Variants in CCDC171 observed in about 807,000 individuals in gnomAD.
CCDC171 encodes coiled-coil domain containing 171, also known as coiled-coil domain-containing protein 171.
A neutral mutation model predicts 168.2 loss-of-function variants in CCDC171; 177 were observed. The ratio of observed to expected loss-of-function variants is 1.05; its 90% CI spans 0.93 to 1.19. The LOEUF (loss-of-function observed/expected upper bound fraction) is 1.19. Ranked by LOEUF, CCDC171 falls within the 50% of genes most tolerant of loss-of-function variation. The pLI is 0.00. For missense variants in CCDC171, 1,991 were observed against 1,539.0 expected, an observed-to-expected ratio of 1.29 and a Z score of -4.91; for synonymous variants, 687 against 540.8, an observed-to-expected ratio of 1.27 and a Z score of -3.75.
At chr9:15,905,166 G>C (rs1822361305) in intron 24 of CCDC171, among the ~76,000 whole-genome samples, 1 of 152,132 alleles carries the variant, frequency 6.6e-6, no homozygotes, top group East Asian at 1.9e-4. Context: ...TCTGCACCAA[G>C]CAGACCTAAT....
At chr9:15,679,499 C>T (rs928132782) in intron 10 of CCDC171, among the ~76,000 whole-genome samples, 4 of 152,178 alleles carry the variant, frequency 2.6e-5, no homozygotes, top group Non-Finnish European at 5.9e-5. Flanking sequence ...CCTTTGCCCT[C>T]TGTCTGTCTT....
chr9:15,857,640 C>T (rs1043944639), intron 23 of CCDC171, among the ~76,000 whole-genome samples: 1 of 151,842 alleles, frequency 6.6e-6, no homozygotes, highest in Non-Finnish European at 1.5e-5. Context: ...CCAGGCTGGT[C>T]TTGAACTCCT....
chr9:15,914,114 A>G (rs1377549460), intron 24 of CCDC171, among the ~76,000 whole-genome samples: 2 of 152,186 alleles, frequency 1.3e-5, no homozygotes, highest in Non-Finnish European at 2.9e-5. Flanking sequence ...GTCAGGATGC[A>G]TGGGGGTCAG....
chr9:15,598,347 T>C (rs1381141001), intron 6 of CCDC171, among the ~76,000 whole-genome samples: 1 of 152,184 alleles, frequency 6.6e-6, no homozygotes, highest in African/African-American at 2.4e-5. Flanking sequence ...TGGTATGTTG[T>C]GTCTTTGTTC....
At chr9:15,931,272 A>G (rs1038180626) in intron 25 of CCDC171, among the ~76,000 whole-genome samples, 28 of 151,676 alleles carry the variant, frequency 1.8e-4, no homozygotes, top group African/African-American at 6.5e-4. Flanking sequence ...CTTTTTGGTA[A>G]TAATGATTCT....
chr9:15,764,149 A>G (rs760336774), intron 18 of CCDC171, among the ~76,000 whole-genome samples: 4 of 152,224 alleles, frequency 2.6e-5, no homozygotes, highest in Admixed American at 6.5e-5. Context: ...AAGGTGGAAG[A>G]TGATGTCAGA....
chr9:15,706,812 G>A (rs2052277466), intron 11 of CCDC171, among the ~76,000 whole-genome samples: 1 of 152,118 alleles, frequency 6.6e-6, no homozygotes, highest in Admixed American at 6.5e-5. Context: ...CTCTAGAGGT[G>A]TTCTTTTCCT....
chr9:15,761,623 A>C lies in CCDC171; in HGVS notation c.2672-15977A>C, dbSNP rs184171178. Among the ~76,000 whole-genome samples the C allele has an allele frequency of 1.6e-3, 220 of 135,452 alleles. 1 individual carries two copies. The highest frequency in any genetic ancestry group is 1.8e-3 in the Non-Finnish European group (114 of 62,062). The allele number at this position is 135,452 out of a possible 152,430, so 88.9% of individuals were successfully genotyped here. ...ACTTAGGGGATTTTATTATTTTGTT[A>C]TTTTTATTTTGTTATTTAAAAAAAA... On this transcript the variant is annotated intron_variant, in intron 18 of 25. Transcript: ENST00000380701.
chr9:15,990,624 G>A (rs914909419), intron 3 of CCDC171, among the ~76,000 whole-genome samples: 3 of 152,142 alleles, frequency 2.0e-5, no homozygotes, highest in African/African-American at 7.2e-5. Context: ...AAAAGACACA[G>A]ACTGGCAAAC....
At chr9:15,965,838 G>A (rs755718920) in intron 25 of CCDC171, among the ~76,000 whole-genome samples, 6 of 152,114 alleles carry the variant, frequency 3.9e-5, no homozygotes, top group Non-Finnish European at 8.8e-5. Context: ...TTAGTAAATG[G>A]CAGAATGAAG....
chr9:15,910,278 C>T (rs1238263917), intron 24 of CCDC171, among the ~76,000 whole-genome samples: 1 of 152,044 alleles, frequency 6.6e-6, no homozygotes, highest in Non-Finnish European at 1.5e-5. Flanking sequence ...GATAGTGCTA[C>T]AACAGACATA....
At chr9:16,088,460 T>C in the CCDC171 span, among the ~76,000 whole-genome samples, 1 of 152,190 alleles carries the variant, frequency 6.6e-6, no homozygotes, top group African/African-American at 2.4e-5. Context: ...TGATTGTATA[T>C]TTAGAAAACC....
At chr9:15,912,238 G>C (rs184705383) in intron 24 of CCDC171, among the ~76,000 whole-genome samples, 1 of 152,126 alleles carries the variant, frequency 6.6e-6, no homozygotes, top group African/African-American at 2.4e-5. Flanking sequence ...GCGGTGGTTT[G>C]TAGTTCTCCT....
chr9:16,001,986 G>C (rs935762112), intron 3 of CCDC171, among the ~76,000 whole-genome samples: 3 of 151,220 alleles, frequency 2.0e-5, no homozygotes, highest in African/African-American at 7.3e-5. Flanking sequence ...ACAGGCAGGA[G>C]CCACCATTGC....
intron 6 of CCDC171, among the ~76,000 whole-genome samples, chr9:15,613,474 G>T (rs993968291): frequency 1.3e-5 from 2 of 149,020 alleles, no homozygotes; most frequent in Non-Finnish European, 3.0e-5. Flanking sequence ...ATACATTTAA[G>T]AAAGCTTAAT....
chr9:15,648,864 C>G (rs1564133961), intron 7 of CCDC171, among the ~76,000 whole-genome samples: 1 of 152,138 alleles, frequency 6.6e-6, no homozygotes, highest in Non-Finnish European at 1.5e-5. Context: ...ATCAAGCTAC[C>G]AATGACTTTC....
intron 21 of CCDC171, among the ~76,000 whole-genome samples, chr9:15,802,275 G>A (rs918235808): frequency 4.0e-5 from 6 of 151,586 alleles, no homozygotes; most frequent in Non-Finnish European, 8.8e-5. Context: ...TAAGTTTAGG[G>A]GTACATGTGC....
chr9:15,810,831 G>A (rs1044843078), intron 21 of CCDC171, among the ~76,000 whole-genome samples: 6 of 152,210 alleles, frequency 3.9e-5, no homozygotes, highest in East Asian at 1.9e-4. Flanking sequence ...AGCATGGGCC[G>A]GCCCAGAGAG....
At chr9:15,677,277 A>G (rs1356896936) in intron 9 of CCDC171, among the ~76,000 whole-genome samples, 1 of 152,094 alleles carries the variant, frequency 6.6e-6, no homozygotes, top group Non-Finnish European at 1.5e-5. Context: ...TAAATGTAGC[A>G]TCCAATCCTT....
Sources: allele counts gnomAD v4.1 joint callset (sites outside exome capture counted in the v4.1 genomes callset), GRCh38; gene constraint gnomAD v4.1.1; transcripts MANE v1.5; gene names NCBI Gene and HGNC (gene_info 2026-07-23, HGNC 2026-07-21).